AK9: variants seen among roughly 807,000 people sequenced by gnomAD.
AK9 encodes the protein adenylate kinase domain containing 1.
AK9 carries 191 observed loss-of-function variants against 239.6 expected under a neutral mutation model. That is an observed-to-expected ratio of 0.80 (90% confidence interval 0.71 to 0.90). The LOEUF (loss-of-function observed/expected upper bound fraction) is 0.90. Ranked by LOEUF, AK9 falls within the 40% of genes least tolerant of loss-of-function variation. The pLI is 0.00. For synonymous variants in AK9, 689 were observed against 721.0 expected (o/e 0.96, Z 0.71); for missense variants, 1,995 against 2,214.7 (o/e 0.90, Z 1.99).
At position 109,675,754 on chromosome 6, in the gene AK9, ATAC is replaced by A. The variant is rs767280090; in HGVS notation, c.-11-1_-10del. ...TTCTCTTGAGAAGTCATGACACAAA[ATAC>A]TACAATAAAAAAGGGTAAGATTGTT... On this transcript the variant is annotated splice_acceptor_variant and 5_prime_UTR_variant, in exon 2 of 41. Coordinates refer to ENST00000424296, the MANE Select transcript of AK9 (RefSeq NM_001145128.3). LOFTEE classifies it low-confidence loss of function (5UTR_SPLICE). 6.6e-7 allele frequency: 1 copy of A among 1,505,498 alleles called. No homozygotes were observed. The highest frequency in any genetic ancestry group is 1.2e-5 in the South Asian group (1 of 81,826). 93.3% of individuals were successfully genotyped at this position (1,505,498 alleles called of 1,614,324 possible). A position where few individuals can be genotyped will look rare whatever the true frequency, so the allele number is the denominator to read the frequency against.
rs1776684997 is a variant in AK9, at chr6:109,493,056, A to G, written c.*313T>C. Reference sequence around the variant, plus strand: ...TTTTCTACTGAAAATGTTAAAAAGGAAAATAATACATTTATTAAATAAGTC... The same window carrying G: ...TTTTCTACTGAAAATGTTAAAAAGGGAAATAATACATTTATTAAATAAGTC... On this transcript the variant is annotated 3_prime_UTR_variant, in exon 41 of 41. Coordinates refer to ENST00000424296, the MANE Select transcript of AK9 (RefSeq NM_001145128.3). 5.1e-6 allele frequency: 1 copy of G among 194,568 alleles called. No individual in the cohort carries two copies. The allele number at this position is 194,568 out of a possible 1,614,324, so 12.1% of individuals were successfully genotyped here. A position where few individuals can be genotyped will look rare whatever the true frequency, so the allele number is the denominator to read the frequency against.
At position 109,546,147 on chromosome 6, in the gene AK9, A is replaced by C; in HGVS notation, c.2965-20T>G. On this transcript the variant is annotated intron_variant, in intron 25 of 40. Transcript: ENST00000424296. Reference sequence around the variant, plus strand: ...AGGAGCCTGTCACAGGGGGTGGGTCAGGGAGGGGTGGGATAAAGGGAGAGT... The same window carrying C: ...AGGAGCCTGTCACAGGGGGTGGGTCCGGGAGGGGTGGGATAAAGGGAGAGT... 1.8e-6 allele frequency: 1 copy of C among 565,740 alleles called. No homozygotes were observed. The highest frequency in any genetic ancestry group is 2.0e-5 in the African/African-American group (1 of 49,236). The allele number at this position is 565,740 out of a possible 1,614,324, so 35.0% of individuals were successfully genotyped here.
At chr6:109,584,508 T>G (rs1306906335) in intron 19 of AK9, among the ~76,000 whole-genome samples, 1 of 152,150 alleles carries the variant, frequency 6.6e-6, no homozygotes, top group East Asian at 1.9e-4. Flanking sequence ...ATTAGCAAAC[T>G]AAGTCATTGT....
At chr6:109,498,651 G>A (rs187269410) in intron 36 of AK9, among the ~76,000 whole-genome samples, 95 of 152,310 alleles carry the variant, frequency 6.2e-4, no homozygotes, top group African/African-American at 2.0e-3. Flanking sequence ...TTAAAGCAAA[G>A]GAGACATACG....
intron 25 of AK9, among the ~76,000 whole-genome samples, chr6:109,548,869 A>T (rs888370025): frequency 6.6e-6 from 1 of 152,196 alleles, no homozygotes; most frequent in African/African-American, 2.4e-5. Flanking sequence ...CTGAAGACAA[A>T]GCACAATCAA....
chr6:109,556,547 G>A (rs766332781), intron 24 of AK9, among the ~76,000 whole-genome samples: 2 of 152,032 alleles, frequency 1.3e-5, no homozygotes, highest in Non-Finnish European at 2.9e-5. Context: ...TTTGAATGTT[G>A]GCTTTTCTTG....
chr6:109,504,791 A>C (rs1282794942), intron 35 of AK9, among the ~76,000 whole-genome samples: 1 of 152,236 alleles, frequency 6.6e-6, no homozygotes, highest in African/African-American at 2.4e-5. Context: ...CCTGGGTGAC[A>C]GAGTGAGACT....
At chr6:109,598,235 C>G in intron 17 of AK9, among the ~76,000 whole-genome samples, 1 of 145,024 alleles carries the variant, frequency 6.9e-6, no homozygotes, top group East Asian at 2.0e-4. Context: ...CCCCCCACCC[C>G]ACAACAGTCC....
chr6:109,516,808 G>A (rs1779321928), intron 29 of AK9, among the ~76,000 whole-genome samples, 166 bp from the exon 30 acceptor site: 1 of 151,836 alleles, frequency 6.6e-6, no homozygotes, highest in Admixed American at 6.6e-5. Flanking sequence ...CACTTTTGGG[G>A]GTGTTATAGA....
At chr6:109,621,798 T>G (rs1323572680) in intron 12 of AK9, among the ~76,000 whole-genome samples, 1 of 140,686 alleles carries the variant, frequency 7.1e-6, no homozygotes, top group Non-Finnish European at 1.5e-5. Context: ...TGCTAGATGA[T>G]GAGTTAGTGG....
rs1359463984 is a variant in AK9, at chr6:109,593,517, G to A, written c.1843-7445C>T. 3.9e-5 allele frequency among the ~76,000 whole-genome samples: 6 copies of A among 152,008 alleles called. No individual in the cohort carries two copies. In the South Asian group the frequency reaches 1.2e-3, roughly 31 times the overall value. ...GACTCCTTCCTAACTCATTTCACGAGGCCAGCATCATCCTGATACCAAAAC... is the reference window on the plus strand; with the variant it reads ...GACTCCTTCCTAACTCATTTCACGAAGCCAGCATCATCCTGATACCAAAAC... On this transcript the variant is annotated intron_variant, in intron 17 of 40. Coordinates refer to ENST00000424296, the MANE Select transcript of AK9 (RefSeq NM_001145128.3).
chr6:109,665,466 C>T (rs966063932), intron 5 of AK9, among the ~76,000 whole-genome samples: 1 of 151,874 alleles, frequency 6.6e-6, no homozygotes, highest in South Asian at 2.1e-4. Context: ...CCTGCCTCTT[C>T]TTGTTGTTCT....
intron 17 of AK9, among the ~76,000 whole-genome samples, chr6:109,605,203 A>G (rs1328799136): frequency 6.6e-6 from 1 of 152,158 alleles, no homozygotes; most frequent in East Asian, 1.9e-4. Flanking sequence ...TGAGAGGCTG[A>G]GGTGGGAGGA....
chr6:109,647,661 T>C (rs905127263), intron 8 of AK9, among the ~76,000 whole-genome samples: 6 of 152,116 alleles, frequency 3.9e-5, no homozygotes, highest in Non-Finnish European at 5.9e-5. Context: ...CACCCCACTG[T>C]CAACATTAGA....
rs1384126987 is a variant in AK9 at position 109,499,113 on chromosome 6, A to G, written c.4977T>C (p.Thr1659=). Residue 1659 remains threonine, a synonymous_variant, in exon 36 of 41, where the codon ACT becomes ACC. Coordinates refer to ENST00000424296, the MANE Select transcript of AK9 (RefSeq NM_001145128.3). ...ESQELFDCSA[T]DSLEFAAEFR... ...ACTCTGCTGCAAATTCCAAGGAGTCAGTTGCAGAGCAATCAAATAATTCCT... is the reference window on the plus strand; with the variant it reads ...ACTCTGCTGCAAATTCCAAGGAGTCGGTTGCAGAGCAATCAAATAATTCCT... 5 of 1,608,020 alleles carry G rather than the reference A, an allele frequency of 3.1e-6. No homozygotes were observed. Among genetic ancestry groups the G allele is most frequent in the East Asian group, 2.2e-5 (1 of 44,538 alleles).
intron 17 of AK9, among the ~76,000 whole-genome samples, chr6:109,605,749 T>G (rs114803250): frequency 0.021 from 3,166 of 152,202 alleles, 99 homozygotes; most frequent in African/African-American, 0.073. Flanking sequence ...AGGAAAGGTT[T>G]GAGGGATGAG....
intron 10 of AK9, among the ~76,000 whole-genome samples, chr6:109,635,962 TA>T (rs1796660768): frequency 6.6e-6 from 1 of 152,218 alleles, no homozygotes; most frequent in Non-Finnish European, 1.5e-5. Context: ...CTAGGCACTT[TA>T]AAAGCATAAT....
Position 109,641,566 on chromosome 6 carries a change from T to C in AK9, c.885A>G (p.Leu295=), listed in dbSNP as rs1372791401. Residue 295 remains leucine, a synonymous_variant, in exon 10 of 41, where the codon CTA becomes CTG. Transcript: ENST00000424296. The stretch of plus-strand genomic sequence containing the variant: ...CTTCCTCTGCACCCTGAAGTTTGGT[T>C]AGAATAGCTGCTCTTTTTAGGTTCA... ...KYLNLKRAAI[L]TKLQGAEEEI... is the part of the protein sequence containing the mutation. 3.1e-6 allele frequency: 5 copies of C among 1,613,828 alleles called. No homozygotes were observed. Among genetic ancestry groups the C allele is most frequent in the Non-Finnish European group, 4.2e-6 (5 of 1,179,714 alleles).
intron 17 of AK9, among the ~76,000 whole-genome samples, chr6:109,607,836 T>C (rs1303508007): frequency 1.3e-5 from 2 of 151,320 alleles, no homozygotes; most frequent in Non-Finnish European, 2.9e-5. Flanking sequence ...AAAATTTATG[T>C]GGAAGTAAAA....
Sources: gnomAD v4.1 joint callset for allele counts (sites outside exome capture counted in the v4.1 genomes callset) on GRCh38, gnomAD v4.1.1 for gene constraint, MANE v1.5 for transcripts, NCBI Gene and HGNC (gene_info 2026-07-23, HGNC 2026-07-21) for gene names.